SYCP3: variants seen among roughly 807,000 people sequenced by gnomAD.
SYCP3 encodes synaptonemal complex protein 3.
Under a neutral mutation model 38.5 loss-of-function variants are expected in SYCP3, and 29 were observed. The observed-to-expected ratio is 0.75, with a 90% CI of 0.56 to 1.03. The LOEUF (loss-of-function observed/expected upper bound fraction) is 1.03. Ranked by LOEUF, SYCP3 falls within the 50% of genes least tolerant of loss-of-function variation. SYCP3 has a pLI of 0.00. For missense variants in SYCP3, 242 were observed against 270.7 expected (o/e 0.89, Z 0.74); for synonymous variants, 79 against 80.3 (o/e 0.98, Z 0.08).
chr12:101,737,068 AC>A lies in SYCP3; in HGVS notation c.203del (p.Gly68ValfsTer25). 6.2e-7 allele frequency: 1 copy of A among 1,613,820 alleles called. No homozygotes were observed. Among genetic ancestry groups the A allele is most frequent in the Non-Finnish European group, 8.5e-7 (1 of 1,179,884 alleles). On this transcript the variant is annotated frameshift_variant and splice_region_variant, in exon 4 of 9. Transcript: ENST00000392924. LOFTEE classifies it high-confidence loss of function. ...CTCCTTCCAGCATATTCTGCACTTC[AC>A]CCCTGGAAAGAAATTACATTTTAAA... The part of the protein sequence containing the change: ...SSAGVVEDMG[G>X]EVQNMLEGVG...
chr12:101,737,686 C>T (rs982613870), intron 2 of SYCP3, 117 bp downstream of exon 2: 52 of 1,424,506 alleles, frequency 3.7e-5, no homozygotes, highest in Middle Eastern at 3.5e-4. Flanking sequence ...CCACAAATAC[C>T]GGGGGAGGGA....
intron 6 of SYCP3, chr12:101,732,798 C>T (rs1460366747): frequency 6.6e-6 from 1 of 151,998 alleles, no homozygotes; most frequent in Non-Finnish European, 1.5e-5. Flanking sequence ...TCCTGAGTAA[C>T]TTGGATTATA....
chr12:101,737,534 C>T, intron 2 of SYCP3: 1 of 645,522 alleles, frequency 1.5e-6, no homozygotes, highest in Non-Finnish European at 2.6e-6. Flanking sequence ...CACAGTAAGC[C>T]ACATACTATA....
chr12:101,737,693 G>A, intron 2 of SYCP3, 110 bp downstream of exon 2: 1 of 1,479,162 alleles, frequency 6.8e-7, no homozygotes, highest in Non-Finnish European at 9.4e-7. Context: ...TACCGGGGGA[G>A]GGAAGACCAT....
intron 2 of SYCP3, 123 bp downstream of exon 2, chr12:101,737,680 A>G: frequency 7.1e-7 from 1 of 1,401,784 alleles, no homozygotes; most frequent in South Asian, 1.2e-5. Flanking sequence ...CTGTAACCAC[A>G]AATACCGGGG....
chr12:101,734,507 G>A (rs1284698844), intron 5 of SYCP3, among the ~76,000 whole-genome samples: 1 of 152,174 alleles, frequency 6.6e-6, no homozygotes, highest in African/African-American at 2.4e-5. Context: ...ATGAAGGAGT[G>A]AGGTTATAGG....
At chr12:101,737,665 A>G in intron 2 of SYCP3, 138 bp downstream of exon 2, 1 of 1,176,228 alleles carries the variant, frequency 8.5e-7, no homozygotes, top group Admixed American at 1.7e-5. Flanking sequence ...CCGTGTCAGC[A>G]GGTTCTGTAA....
chr12:101,730,661 TTTTGTTTG>T (rs971166280), intron 7 of SYCP3: 1 of 295,438 alleles, frequency 3.4e-6, no homozygotes, highest in Admixed American at 4.7e-5. Context: ...GCCCAGCTAT[TTTTGTTTG>T]TTTGTTTGTT....
chr12:101,731,586 T>A lies in SYCP3; in HGVS notation c.534A>T (p.Leu178Phe). 6.2e-7 allele frequency: 1 copy of A among 1,605,720 alleles called. No homozygotes were observed. Among genetic ancestry groups the A allele is most frequent in the South Asian group, 1.1e-5 (1 of 89,314 alleles). ...AACAAACCTTTATGAACTGCTCATA[T>A]AACTGTTTAATTGTTTTCAATCTCT... ...QSQRLKTIKQ[L>F]YEQFIKSMEE... The change falls in exon 7 of 9, where the codon TTA (leucine) becomes TTT (phenylalanine). Residue 178 changes from leucine to phenylalanine, a missense_variant. Coordinates refer to ENST00000392924, the MANE Select transcript of SYCP3 (RefSeq NM_001177949.2).
chr12:101,732,681 T>C (rs1287898583), intron 6 of SYCP3: 1 of 151,996 alleles, frequency 6.6e-6, no homozygotes, highest in Non-Finnish European at 1.5e-5. Flanking sequence ...TTTTTTTTTT[T>C]TTCAAGAAAG....
At chr12:101,735,758 CATT>C (rs1168155279) in intron 4 of SYCP3, among the ~76,000 whole-genome samples, 1 of 149,340 alleles carries the variant, frequency 6.7e-6, no homozygotes, top group East Asian at 1.9e-4. Flanking sequence ...TGTTAGAACT[CATT>C]ATAGAAAATA....
At chr12:101,734,574 C>A (rs1952324259) in intron 5 of SYCP3, among the ~76,000 whole-genome samples, 1 of 152,052 alleles carries the variant, frequency 6.6e-6, no homozygotes, top group Admixed American at 6.6e-5. Context: ...TCACTAGAAA[C>A]CCCAGTAACT....
Position 101,729,213 on chromosome 12 carries a change from T to G in SYCP3, c.553A>C (p.Ser185Arg). Residue 185 changes from serine to arginine, a missense_variant and splice_region_variant, in exon 8 of 9, where the codon AGT becomes CGT. Coordinates refer to ENST00000392924, the MANE Select transcript of SYCP3 (RefSeq NM_001177949.2). ...TGATTCTTCTCCAACTCTTCCATAC[T>G]CTAAAAACACAAAAGACAAGTTAAG... ...IKQLYEQFIK[S>R]MEELEKNHDN... The G allele has an allele frequency of 6.2e-7, 1 of 1,612,566 alleles. No individual in the cohort carries two copies. Among genetic ancestry groups the G allele is most frequent in the Non-Finnish European group, 8.5e-7 (1 of 1,179,286 alleles).
rs1250374581 is a variant in SYCP3, at chr12:101,733,525, C to T, written c.453+50G>A. The stretch of plus-strand genomic sequence containing the variant: ...TGGTCACAATAAAAGGCTAGGTTGT[C>T]CATTCCTACTTGAGACTTGGTTGAT... On this transcript the variant is annotated intron_variant, in intron 6 of 8. Coordinates refer to ENST00000392924, the MANE Select transcript of SYCP3 (RefSeq NM_001177949.2). 3 of 1,508,218 alleles carry T rather than the reference C, an allele frequency of 2.0e-6. No homozygotes were observed. The Admixed American group carries it at 5.0e-5, about 25-fold the overall frequency. The allele number at this position is 1,508,218 out of a possible 1,614,324, so 93.4% of individuals were successfully genotyped here.
chr12:101,728,760 C>T lies in SYCP3; in HGVS notation c.*167G>A. 2 of 912,350 alleles carry T rather than the reference C, an allele frequency of 2.2e-6. No homozygotes were observed. The highest frequency in any genetic ancestry group is 3.3e-6 in the Non-Finnish European group (2 of 608,374). 56.5% of individuals were successfully genotyped at this position (912,350 alleles called of 1,614,324 possible). A position where few individuals can be genotyped will look rare whatever the true frequency, so the allele number is the denominator to read the frequency against. On this transcript the variant is annotated 3_prime_UTR_variant, in exon 9 of 9. Coordinates refer to ENST00000392924, the MANE Select transcript of SYCP3 (RefSeq NM_001177949.2). Reference sequence around the variant, plus strand: ...CTTTAGGAATAGTTGCTAACTAACTCATAACTATTTAGATTTGACTTAACA... The same window carrying T: ...CTTTAGGAATAGTTGCTAACTAACTTATAACTATTTAGATTTGACTTAACA...
At chr12:101,735,142 T>C (rs1469743208) in intron 4 of SYCP3, 98 bp from the exon 5 acceptor site, 6 of 734,346 alleles carry the variant, frequency 8.2e-6, no homozygotes, top group African/African-American at 3.6e-5. Flanking sequence ...TTCAACAATA[T>C]TGGAAAGACA....
At position 101,737,309 on chromosome 12, in the gene SYCP3, A is replaced by C. The variant is rs772191132; in HGVS notation, c.134-11T>G. 1.2e-5 allele frequency: 18 copies of C among 1,553,764 alleles called. No individual in the cohort carries two copies. In the African/African-American group the frequency reaches 2.1e-4, roughly 18 times the overall value. On this transcript the variant is annotated splice_polypyrimidine_tract_variant and intron_variant, in intron 2 of 8. Coordinates refer to ENST00000392924, the MANE Select transcript of SYCP3 (RefSeq NM_001177949.2). ...TGACTGCAGTCTTCCCTGTATTGAC[A>C]ATTAAAAAAAAAAAAAAAAAGCTTT...
chr12:101,737,693 G>C, intron 2 of SYCP3, 110 bp downstream of exon 2: 1 of 1,479,162 alleles, frequency 6.8e-7, no homozygotes, highest in Non-Finnish European at 9.4e-7. Context: ...TACCGGGGGA[G>C]GGAAGACCAT....
At position 101,739,441 on chromosome 12, in the gene SYCP3, G is replaced by A. The variant is rs1189377009; in HGVS notation, c.-108C>T. The stretch of plus-strand genomic sequence containing the variant: ...CCACAAGCGCGCTTCACCTGAGGTG[G>A]CCCCTTCTCCGCGACGCTTCTGAGG... On this transcript the variant is annotated 5_prime_UTR_variant, in exon 1 of 9. Transcript: ENST00000392924. 5.0e-6 allele frequency: 5 copies of A among 1,002,548 alleles called. No individual in the cohort carries two copies. Among genetic ancestry groups the A allele is most frequent in the Non-Finnish European group, 6.0e-6 (5 of 830,318 alleles). 62.1% of individuals were successfully genotyped at this position (1,002,548 alleles called of 1,614,324 possible).
Sources: gnomAD v4.1 joint callset for allele counts (sites outside exome capture counted in the v4.1 genomes callset) on GRCh38, gnomAD v4.1.1 for gene constraint, MANE v1.5 for transcripts, NCBI Gene and HGNC (gene_info 2026-07-23, HGNC 2026-07-21) for gene names.